ENTHD1: variants seen among roughly 807,000 people sequenced by gnomAD.
ENTHD1 encodes the protein ENTH domain-containing protein 1.
ENTHD1 carries 23 observed loss-of-function variants against 39.1 expected under a neutral mutation model. That is an observed-to-expected ratio of 0.59 (90% confidence interval 0.42 to 0.83). The LOEUF (loss-of-function observed/expected upper bound fraction) is 0.83, where lower values mean the gene tolerates loss of function less well. Among genes scored for constraint, ENTHD1 ranks in the 40% least tolerant of loss-of-function variants. The pLI is 0.00. For missense variants in ENTHD1, 624 were observed against 705.4 expected (o/e 0.88, Z 1.31); for synonymous variants, 230 against 258.2 (o/e 0.89, Z 1.05).
Position 39,792,647 on chromosome 22 carries a change from T to C in ENTHD1, c.833-27038A>G, listed in dbSNP as rs181697899. On this transcript the variant is annotated intron_variant, in intron 5 of 6. Coordinates refer to ENST00000325157, the MANE Select transcript of ENTHD1 (RefSeq NM_152512.4). Reference sequence around the variant, plus strand: ...ATCCCAGCACTTTGGGAGGCTGAGGTGAGAGGACTGCTTGAGCCCAGGAGG... The same window carrying C: ...ATCCCAGCACTTTGGGAGGCTGAGGCGAGAGGACTGCTTGAGCCCAGGAGG... 2.9e-3 allele frequency among the ~76,000 whole-genome samples: 434 copies of C among 152,028 alleles called. 7 individuals are homozygous for C. The highest frequency in any genetic ancestry group is 1.0e-2 in the African/African-American group (413 of 41,458).
intron 6 of ENTHD1, among the ~76,000 whole-genome samples, chr22:39,749,835 AAGG>A: frequency 6.6e-6 from 1 of 152,264 alleles, no homozygotes; most frequent in Non-Finnish European, 1.5e-5. Flanking sequence ...TGGCTGAGCG[AAGG>A]GTTCCAGGGC....
chr22:39,757,821 T>C (rs1266042852), intron 6 of ENTHD1, among the ~76,000 whole-genome samples: 1 of 152,112 alleles, frequency 6.6e-6, no homozygotes, highest in Admixed American at 6.6e-5. Flanking sequence ...ATGGGGTGGT[T>C]TCCCCCATGC....
chr22:39,840,298 A>G (rs1332430338), intron 3 of ENTHD1, among the ~76,000 whole-genome samples: 1 of 152,228 alleles, frequency 6.6e-6, no homozygotes, highest in African/African-American at 2.4e-5. Context: ...CCAAGGTTGT[A>G]AGTACTTTGT....
intron 3 of ENTHD1, among the ~76,000 whole-genome samples, chr22:39,840,230 A>C (rs1453527342): frequency 6.6e-6 from 1 of 152,204 alleles, no homozygotes; most frequent in African/African-American, 2.4e-5. Flanking sequence ...CAGAGGAAAA[A>C]GTAATGATGC....
chr22:39,857,594 T>C (rs1358583931), intron 3 of ENTHD1, among the ~76,000 whole-genome samples: 1 of 152,164 alleles, frequency 6.6e-6, no homozygotes, highest in Non-Finnish European at 1.5e-5. Context: ...CAGGCCAAGT[T>C]TGCTCCAGTT....
At chr22:39,795,125 G>T (rs550357535) in intron 5 of ENTHD1, among the ~76,000 whole-genome samples, 3 of 152,238 alleles carry the variant, frequency 2.0e-5, no homozygotes, top group South Asian at 2.1e-4. Context: ...CTTGATCATG[G>T]TATATTATCT....
chr22:39,865,199 G>T (rs907725185), intron 2 of ENTHD1, among the ~76,000 whole-genome samples: 4 of 152,072 alleles, frequency 2.6e-5, no homozygotes, highest in African/African-American at 9.7e-5. Flanking sequence ...ACCAAGCAAA[G>T]AGCCAGTTGC....
At chr22:39,893,271 T>C (rs892801822) in intron 1 of ENTHD1, 4 of 152,244 alleles carry the variant, frequency 2.6e-5, no homozygotes, top group Admixed American at 6.5e-5. Context: ...AACGAGATGC[T>C]TTGGAAAGAA....
Position 39,890,099 on chromosome 22 carries a change from AAAATAAATAAATAAAT to A in ENTHD1, c.-155-2212_-155-2197del, listed in dbSNP as rs202065437. On this transcript the variant is annotated intron_variant, in intron 1 of 6. Coordinates refer to ENST00000325157, the MANE Select transcript of ENTHD1 (RefSeq NM_152512.4). ...GGAGATAGAGTGAGACTCTGTCTCA[AAAATAAATAAATAAAT>A]AAATAAATAAATAAATAAATAAATA... is the stretch of plus-strand genomic sequence containing the variant. Among the ~76,000 whole-genome samples, 958 of 139,566 alleles carry A rather than the reference AAAATAAATAAATAAAT, an allele frequency of 6.9e-3. 10 individuals are homozygous for A. The highest frequency in any genetic ancestry group is 0.021 in the African/African-American group (795 of 37,130). 91.6% of individuals were successfully genotyped at this position (139,566 alleles called of 152,430 possible). A position where few individuals can be genotyped will look rare whatever the true frequency, so the allele number is the denominator to read the frequency against.
At chr22:39,864,172 T>C (rs2066166357) in intron 2 of ENTHD1, among the ~76,000 whole-genome samples, 1 of 152,236 alleles carries the variant, frequency 6.6e-6, no homozygotes, top group Non-Finnish European at 1.5e-5. Context: ...AAGATTGGTT[T>C]TGGAGGCACA....
chr22:39,765,495 G>A lies in ENTHD1; in HGVS notation c.947C>T (p.Pro316Leu). The change falls in exon 6 of 7, where the codon CCT becomes CTT. Residue 316 changes from proline (P) to leucine (L), a missense_variant. Transcript: ENST00000325157. ...NTVTENLLET[P>L]LEKQSAAEGL... ...TTCTGCAGCTGATTGCTTTTCTAAA[G>A]GTGTTTCCAAGAGGTTTTCTGTGAC... The A allele has an allele frequency of 1.2e-6, 2 of 1,613,866 alleles. No individual in the cohort carries two copies. The highest frequency in any genetic ancestry group is 8.5e-7 in the Non-Finnish European group (1 of 1,179,940).
At chr22:39,878,238 A>C (rs2066307331) in intron 2 of ENTHD1, among the ~76,000 whole-genome samples, 1 of 152,242 alleles carries the variant, frequency 6.6e-6, no homozygotes, top group South Asian at 2.1e-4. Flanking sequence ...ACATCTCAAT[A>C]GAAACCACTA....
At chr22:39,784,582 AC>A (rs982447765) in intron 5 of ENTHD1, among the ~76,000 whole-genome samples, 4 of 144,916 alleles carry the variant, frequency 2.8e-5, no homozygotes, top group African/African-American at 1.0e-4. Context: ...ACACACACAC[AC>A]TAGAATATTC....
At chr22:39,862,076 C>T in intron 2 of ENTHD1, 69 bp from the exon 3 acceptor site, 1 of 1,251,348 alleles carries the variant, frequency 8.0e-7, no homozygotes, top group Non-Finnish European at 1.0e-6. Context: ...TTTTTTTCTA[C>T]AGAAATTTTT....
chr22:39,760,985 T>G lies in ENTHD1; in HGVS notation c.1219+4238A>C, dbSNP rs140883703. On this transcript the variant is annotated intron_variant, in intron 6 of 6. Coordinates refer to ENST00000325157, the MANE Select transcript of ENTHD1 (RefSeq NM_152512.4). ...TTTTGCTTTAGTTACATGTACTTTT[T>G]AATTAGAAGAAAAATATGCATAGTA... Among the ~76,000 whole-genome samples, 361 of 152,226 alleles carry G rather than the reference T, an allele frequency of 2.4e-3. 2 individuals carry two copies. The highest frequency in any genetic ancestry group is 3.7e-3 in the Non-Finnish European group (252 of 67,942).
At chr22:39,864,425 T>C (rs1404493782) in intron 2 of ENTHD1, among the ~76,000 whole-genome samples, 2 of 152,202 alleles carry the variant, frequency 1.3e-5, no homozygotes, top group African/African-American at 2.4e-5. Flanking sequence ...CTTTCTAAAA[T>C]AGCCCCACCC....
chr22:39,819,375 C>T (rs1456956564), intron 5 of ENTHD1, among the ~76,000 whole-genome samples: 1 of 103,270 alleles, frequency 9.7e-6, no homozygotes, highest in South Asian at 3.1e-4. Context: ...AAAACAAAAA[C>T]AAAAACAAAA....
At position 39,753,327 on chromosome 22, in the gene ENTHD1, T is replaced by C. The variant is rs117573409; in HGVS notation, c.1220-9044A>G. ...CTTGTGTACATGATCAAGTATCTAATAACTTGAAAGAATAGTTTGAGCTAC... is the reference window on the plus strand; with the variant it reads ...CTTGTGTACATGATCAAGTATCTAACAACTTGAAAGAATAGTTTGAGCTAC... On this transcript the variant is annotated intron_variant, in intron 6 of 6. Coordinates refer to ENST00000325157, the MANE Select transcript of ENTHD1 (RefSeq NM_152512.4). Among the ~76,000 whole-genome samples, 658 of 152,330 alleles carry C rather than the reference T, an allele frequency of 4.3e-3. 2 individuals are homozygous for C. The highest frequency in any genetic ancestry group is 5.9e-3 in the Non-Finnish European group (401 of 68,022).
chr22:39,824,868 C>T (rs1309576670), intron 4 of ENTHD1, among the ~76,000 whole-genome samples: 1 of 152,208 alleles, frequency 6.6e-6, no homozygotes, highest in African/African-American at 2.4e-5. Context: ...TTTTGTTCTT[C>T]CTTTTCAAAA....
Sources: gnomAD v4.1 joint callset for allele counts (sites outside exome capture counted in the v4.1 genomes callset) on GRCh38, gnomAD v4.1.1 for gene constraint, MANE v1.5 for transcripts, NCBI Gene and HGNC (gene_info 2026-07-23, HGNC 2026-07-21) for gene names.